GLRA2: variants seen among roughly 807,000 people sequenced by gnomAD.
The protein encoded by GLRA2 is glycine receptor subunit alpha-2.
A neutral mutation model predicts 31.6 loss-of-function variants in GLRA2; 11 were observed. The observed-to-expected ratio is 0.35, with a 90% CI of 0.22 to 0.58. GLRA2 has a LOEUF of 0.58. Ranked by LOEUF, GLRA2 falls within the 20% of genes least tolerant of loss-of-function variation. The probability of loss-of-function intolerance (pLI) is 0.84; values close to 1 mark genes in which losing one functional copy is unlikely to be tolerated. For missense variants in GLRA2, 212 were observed against 351.8 expected, an observed-to-expected ratio of 0.60 and a Z score of 3.18; for synonymous variants, 132 against 134.0, an observed-to-expected ratio of 0.99 and a Z score of 0.10.
At chrX:14,684,287 T>C (rs1028072926) in intron 7 of GLRA2, among the ~76,000 whole-genome samples, 1 of 111,530 alleles carries the variant, frequency 9.0e-6, no homozygotes, top group African/African-American at 3.3e-5. Context: ...TAGGATTGAC[T>C]TGGCGATGCA....
At chrX:14,666,530 T>C (rs1039308630) in intron 7 of GLRA2, among the ~76,000 whole-genome samples, 2 of 111,890 alleles carry the variant, frequency 1.8e-5, no homozygotes, top group African/African-American at 6.5e-5. Flanking sequence ...CTCCCACGTT[T>C]AACTTTAATG....
At chrX:14,501,974 A>C in the GLRA2 span, among the ~76,000 whole-genome samples, 10 of 111,135 alleles carry the variant, frequency 9.0e-5, no homozygotes, top group Admixed American at 2.9e-4. Context: ...TCAGTGTCCT[A>C]ATCTTTTCTT....
At chrX:14,649,124 G>A (rs1269071749) in intron 7 of GLRA2, among the ~76,000 whole-genome samples, 2 of 110,337 alleles carry the variant, frequency 1.8e-5, no homozygotes, top group African/African-American at 6.6e-5. Context: ...TGAGGCAGGA[G>A]AATCGCTTGA....
chrX:14,730,499 AC>A lies in GLRA2; in HGVS notation c.*17del, dbSNP rs1259385923. 3.5e-6 allele frequency: 4 copies of A among 1,145,044 alleles called. No homozygotes were observed. Among genetic ancestry groups the A allele is most frequent in the Non-Finnish European group, 3.5e-6 (3 of 846,091 alleles). The allele number at this position is 1,145,044 out of a possible 1,213,427, so 94.4% of individuals were successfully genotyped here. A position where few individuals can be genotyped will look rare whatever the true frequency, so the allele number is the denominator to read the frequency against. ...CACAAGAAATAGATGTGCCCTACAGACCCTGGGACCTTCTTGCCTCAGTGTT... is the reference window on the plus strand; with the variant it reads ...CACAAGAAATAGATGTGCCCTACAGACCTGGGACCTTCTTGCCTCAGTGTT... On this transcript the variant is annotated 3_prime_UTR_variant, in exon 9 of 9. Transcript: ENST00000218075.
At chrX:14,466,545 C>T in the GLRA2 span, among the ~76,000 whole-genome samples, 1 of 109,931 alleles carries the variant, frequency 9.1e-6, no homozygotes, top group Non-Finnish European at 1.9e-5. Context: ...TCCATTGGCT[C>T]TAAGATTGAG....
At chrX:14,595,278 C>T (rs930919210) in intron 4 of GLRA2, among the ~76,000 whole-genome samples, 2 of 111,601 alleles carry the variant, frequency 1.8e-5, no homozygotes, top group African/African-American at 6.5e-5. Context: ...GTCAAAGAAG[C>T]CTTTAGCTAA....
chrX:14,553,322 A>T (rs765741492), intron 2 of GLRA2, among the ~76,000 whole-genome samples: 49 of 111,870 alleles, frequency 4.4e-4, no homozygotes, highest in African/African-American at 1.4e-3. Context: ...TATGAAATAG[A>T]GCCATATCTT....
intron 8 of GLRA2, among the ~76,000 whole-genome samples, chrX:14,707,164 C>CTT (rs2091635922): frequency 8.9e-6 from 1 of 111,771 alleles, no homozygotes; most frequent in Non-Finnish European, 1.9e-5. Context: ...ATAACATATA[C>CTT]TTTTTCTCTC....
At chrX:14,688,975 A>G (rs1179957990) in intron 7 of GLRA2, among the ~76,000 whole-genome samples, 1 of 112,129 alleles carries the variant, frequency 8.9e-6, no homozygotes, top group Non-Finnish European at 1.9e-5. Context: ...ATCTTTATGT[A>G]TATTAAGTGA....
intron 2 of GLRA2, among the ~76,000 whole-genome samples, chrX:14,535,313 G>A (rs899054903): frequency 8.9e-6 from 1 of 112,249 alleles, no homozygotes; most frequent in Non-Finnish European, 1.9e-5. Flanking sequence ...AATTTTTCCT[G>A]TATACTTTCA....
intron 7 of GLRA2, among the ~76,000 whole-genome samples, chrX:14,683,779 C>T (rs965630359): frequency 9.0e-6 from 1 of 110,622 alleles, no homozygotes; most frequent in African/African-American, 3.3e-5. Context: ...AGCCAATTTT[C>T]CCAGCACCAT....
At chrX:14,498,116 T>C in the GLRA2 span, among the ~76,000 whole-genome samples, 5 of 110,299 alleles carry the variant, frequency 4.5e-5, no homozygotes, top group Admixed American at 4.8e-4. Context: ...TTGCAAATAA[T>C]TCCATGGTTA....
chrX:14,708,535 A>G (rs1041812575), intron 8 of GLRA2, among the ~76,000 whole-genome samples: 1 of 111,843 alleles, frequency 8.9e-6, no homozygotes, highest in African/African-American at 3.3e-5. Flanking sequence ...TATGATGCCC[A>G]TGACCCAGTG....
At chrX:14,454,129 A>G in the GLRA2 span, among the ~76,000 whole-genome samples, 1 of 108,748 alleles carries the variant, frequency 9.2e-6, no homozygotes, top group East Asian at 2.9e-4. Flanking sequence ...ACAAAAGCCT[A>G]CCATTCTGAT....
At chrX:14,600,278 C>A (rs932097067) in intron 4 of GLRA2, among the ~76,000 whole-genome samples, 6 of 111,382 alleles carry the variant, frequency 5.4e-5, no homozygotes, top group African/African-American at 1.6e-4. Context: ...CAGTCAAATT[C>A]AGCAAGCCTA....
intron 7 of GLRA2, among the ~76,000 whole-genome samples, chrX:14,617,704 C>T (rs1191221632): frequency 8.9e-6 from 1 of 112,128 alleles, no homozygotes; most frequent in East Asian, 2.8e-4. Context: ...GCCATGCAAA[C>T]ACATGAGGGT....
At chrX:14,691,576 C>G (rs1262999488) in intron 8 of GLRA2, among the ~76,000 whole-genome samples, 2 of 111,320 alleles carry the variant, frequency 1.8e-5, no homozygotes, top group Non-Finnish European at 3.8e-5. Flanking sequence ...TTAGAATCGC[C>G]TGGGGATATT....
At chrX:14,729,900 C>G (rs2091971855) in intron 8 of GLRA2, among the ~76,000 whole-genome samples, 1 of 111,891 alleles carries the variant, frequency 8.9e-6, no homozygotes, top group Admixed American at 9.5e-5. Flanking sequence ...CTATTCATAT[C>G]TAGGGATTAA....
At chrX:14,581,010 C>A (rs1323522641) in intron 3 of GLRA2, among the ~76,000 whole-genome samples, 173 bp from the exon 4 acceptor site, 1 of 111,341 alleles carries the variant, frequency 9.0e-6, no homozygotes, top group African/African-American at 3.3e-5. Flanking sequence ...TTCTTTCTCC[C>A]TTTTGTCCCC....
Sources: gnomAD v4.1 joint callset for allele counts (sites outside exome capture counted in the v4.1 genomes callset) on GRCh38, gnomAD v4.1.1 for gene constraint, MANE v1.5 for transcripts, NCBI Gene and HGNC (gene_info 2026-07-23, HGNC 2026-07-21) for gene names.